SAMD5: variants seen among roughly 807,000 people sequenced by gnomAD.
SAMD5 encodes the protein sterile alpha motif domain-containing protein 5.
SAMD5 carries 13 observed loss-of-function variants against 11.3 expected under a neutral mutation model. The ratio of observed to expected loss-of-function variants is 1.15; its 90% CI spans 0.75 to 1.83. The LOEUF is 1.83. SAMD5 is among the 40% of genes most tolerant of loss of function. SAMD5 has a pLI of 0.00. For missense variants in SAMD5, 255 were observed against 239.1 expected, an observed-to-expected ratio of 1.07 and a Z score of -0.44; for synonymous variants, 129 against 111.3, an observed-to-expected ratio of 1.16 and a Z score of -1.00.
At chr6:147,946,576 A>G in the SAMD5 span, among the ~76,000 whole-genome samples, 4 of 152,300 alleles carry the variant, frequency 2.6e-5, no homozygotes, top group East Asian at 7.7e-4. Flanking sequence ...AAAAGAACAG[A>G]CTAGTTTGCA....
the SAMD5 span, among the ~76,000 whole-genome samples, chr6:147,791,560 T>C: frequency 1.3e-5 from 2 of 152,208 alleles, no homozygotes; most frequent in African/African-American, 2.4e-5. Flanking sequence ...ATCATTAGTA[T>C]ACCTGAGTAT....
the SAMD5 span, among the ~76,000 whole-genome samples, chr6:147,899,597 G>A: frequency 6.6e-6 from 1 of 152,172 alleles, no homozygotes; most frequent in Admixed American, 6.5e-5. Flanking sequence ...CTCTCCAGCA[G>A]GTAGTAGACC....
chr6:147,701,505 G>A (rs774969663), intron 1 of SAMD5, among the ~76,000 whole-genome samples: 11 of 151,940 alleles, frequency 7.2e-5, no homozygotes, highest in Non-Finnish European at 1.0e-4. Flanking sequence ...GTGGTGACAC[G>A]CGCCTGTAAT....
chr6:147,764,089 G>A, the SAMD5 span, among the ~76,000 whole-genome samples: 1 of 152,190 alleles, frequency 6.6e-6, no homozygotes, highest in Non-Finnish European at 1.5e-5. Context: ...GCTAAAATGT[G>A]GGGGAAGAAA....
chr6:147,589,185 C>T (rs762867078), intron 1 of SAMD5, among the ~76,000 whole-genome samples: 7 of 151,998 alleles, frequency 4.6e-5, no homozygotes, highest in Non-Finnish European at 1.0e-4. Flanking sequence ...TCTCAAACTC[C>T]TAGGCTCAAG....
At chr6:147,769,532 T>G in the SAMD5 span, among the ~76,000 whole-genome samples, 1 of 152,194 alleles carries the variant, frequency 6.6e-6, no homozygotes, top group Non-Finnish European at 1.5e-5. Context: ...GCTGCCTTAC[T>G]TTTGGAAGAG....
At chr6:147,538,527 T>C (rs1583073353) in intron 1 of SAMD5, among the ~76,000 whole-genome samples, 1 of 152,340 alleles carries the variant, frequency 6.6e-6, no homozygotes, top group East Asian at 1.9e-4. Flanking sequence ...AAAAACTTGA[T>C]AAGTAAGTGA....
At chr6:147,729,310 A>G (rs930354506) in intron 1 of SAMD5, among the ~76,000 whole-genome samples, 3 of 152,244 alleles carry the variant, frequency 2.0e-5, no homozygotes, top group Non-Finnish European at 2.9e-5. Context: ...GAGGTGACAC[A>G]ATTCAGCCCG....
chr6:147,511,639 A>C (rs915465795), intron 1 of SAMD5, among the ~76,000 whole-genome samples: 2 of 152,164 alleles, frequency 1.3e-5, no homozygotes, highest in African/African-American at 4.8e-5. Context: ...AAAAAAAAAA[A>C]AACTGGCACT....
chr6:147,645,200 A>G (rs1342074474), intron 1 of SAMD5, among the ~76,000 whole-genome samples: 1 of 152,192 alleles, frequency 6.6e-6, no homozygotes, highest in Non-Finnish European at 1.5e-5. Flanking sequence ...TGCCACTAGC[A>G]GTTGATGGCA....
At chr6:147,802,809 T>TC in the SAMD5 span, among the ~76,000 whole-genome samples, 2 of 152,160 alleles carry the variant, frequency 1.3e-5, no homozygotes, top group Non-Finnish European at 2.9e-5. Context: ...ACCATAAGAC[T>TC]CCATTGATAC....
chr6:147,850,466 A>G, the SAMD5 span, among the ~76,000 whole-genome samples: 4 of 152,296 alleles, frequency 2.6e-5, no homozygotes, highest in Non-Finnish European at 5.9e-5. Context: ...TAGGAAGTTA[A>G]TATTTCATAA....
At chr6:147,831,984 ATT>A in the SAMD5 span, among the ~76,000 whole-genome samples, 1 of 149,224 alleles carries the variant, frequency 6.7e-6, no homozygotes, top group Non-Finnish European at 1.5e-5. Flanking sequence ...TCAAGAAGTT[ATT>A]TTTTTTTTGT....
the SAMD5 span, among the ~76,000 whole-genome samples, chr6:147,814,561 G>A: frequency 6.6e-6 from 1 of 152,106 alleles, no homozygotes; most frequent in Admixed American, 6.5e-5. Context: ...CACTGGGGGA[G>A]GAGAGCTTTC....
the SAMD5 span, among the ~76,000 whole-genome samples, chr6:147,877,945 A>AGAGTCT: frequency 0.29 from 19,797 of 67,358 alleles, 3,645 homozygotes; most frequent in Admixed American, 0.32. Context: ...ATAGATAGAT[A>AGAGTCT]GACTCTGTCA....
the SAMD5 span, among the ~76,000 whole-genome samples, chr6:147,800,096 G>T: frequency 6.6e-6 from 1 of 152,210 alleles, no homozygotes; most frequent in Admixed American, 6.5e-5. Context: ...GTCCAGCTTT[G>T]TTCCATTGCT....
chr6:147,534,833 T>C (rs1788483703), intron 1 of SAMD5, among the ~76,000 whole-genome samples: 1 of 152,140 alleles, frequency 6.6e-6, no homozygotes, highest in African/African-American at 2.4e-5. Flanking sequence ...ATTTTTAATT[T>C]TGTGGCGGAT....
the SAMD5 span, among the ~76,000 whole-genome samples, chr6:147,769,086 G>A: frequency 1.3e-5 from 2 of 152,168 alleles, no homozygotes; most frequent in Non-Finnish European, 2.9e-5. Flanking sequence ...GAGCCACCAC[G>A]CCTGCTGCCT....
chr6:147,950,913 C>T, the SAMD5 span, among the ~76,000 whole-genome samples: 3 of 151,776 alleles, frequency 2.0e-5, no homozygotes, highest in African/African-American at 2.4e-5. Flanking sequence ...TCTTTCTCTT[C>T]CCACCGTCGT....
Sources: gnomAD v4.1 joint callset for allele counts (sites outside exome capture counted in the v4.1 genomes callset) on GRCh38, gnomAD v4.1.1 for gene constraint, MANE v1.5 for transcripts, NCBI Gene and HGNC (gene_info 2026-07-23, HGNC 2026-07-21) for gene names.